RASL12: variants seen among roughly 807,000 people sequenced by gnomAD.
RASL12 encodes RAS like family 12, also known as ras-like protein family member 12.
Under a neutral mutation model 22.9 loss-of-function variants are expected in RASL12, and 16 were observed. That is an observed-to-expected ratio of 0.70 (90% CI 0.47 to 1.06). The LOEUF (loss-of-function observed/expected upper bound fraction) is 1.06. Among genes scored for constraint, RASL12 ranks in the 50% least tolerant of loss-of-function variants. The probability of loss-of-function intolerance (pLI) is 0.00; values close to 1 mark genes in which losing one functional copy is unlikely to be tolerated. For synonymous variants in RASL12, 159 were observed against 152.2 expected, an observed-to-expected ratio of 1.04 and a Z score of -0.33; for missense variants, 306 against 353.1, an observed-to-expected ratio of 0.87 and a Z score of 1.07.
intron 1 of RASL12, among the ~76,000 whole-genome samples, chr15:65,074,586 G>C (rs888301275): frequency 6.6e-6 from 1 of 151,970 alleles, no homozygotes; most frequent in Admixed American, 6.5e-5. Context: ...TAATAGAGAC[G>C]GGGTTTCCCC....
downstream of RASL12, chr15:65,050,168 A>G: frequency 7.5e-7 from 1 of 1,325,046 alleles, no homozygotes; most frequent in Non-Finnish European, 1.1e-6. Flanking sequence ...AGTTTGGCTG[A>G]AGGTCCTGAC....
intron 2 of RASL12, among the ~76,000 whole-genome samples, chr15:65,061,842 G>A (rs2086809142): frequency 6.6e-6 from 1 of 151,912 alleles, no homozygotes; most frequent in African/African-American, 2.4e-5. Flanking sequence ...AAGGTCAGGA[G>A]TTCTAGACCA....
chr15:65,070,428 G>A (rs954721375), upstream of RASL12, among the ~76,000 whole-genome samples: 18 of 152,196 alleles, frequency 1.2e-4, no homozygotes, highest in African/African-American at 3.9e-4. Context: ...AGTCATAACC[G>A]TTTAGTGACC....
intron 2 of RASL12, 28 bp from the exon 3 acceptor site, chr15:65,059,446 GAC>G: frequency 6.3e-7 from 1 of 1,579,158 alleles, no homozygotes; most frequent in Non-Finnish European, 8.7e-7. Flanking sequence ...AGCCAGGTCA[GAC>G]ACAGTGCCTT....
upstream of RASL12, among the ~76,000 whole-genome samples, chr15:65,072,802 T>A (rs529889412): frequency 3.9e-5 from 6 of 152,158 alleles, no homozygotes; most frequent in African/African-American, 1.4e-4. Flanking sequence ...GAGCCTGAGG[T>A]GCCTTTCAGC....
chr15:65,058,854 A>T (rs2086768200), intron 3 of RASL12, among the ~76,000 whole-genome samples: 2 of 152,276 alleles, frequency 1.3e-5, no homozygotes, highest in Admixed American at 1.3e-4. Flanking sequence ...CCTTGGGCCC[A>T]GAGCCAAAGA....
chr15:65,060,996 C>T (rs992432281), intron 2 of RASL12, among the ~76,000 whole-genome samples: 2 of 152,190 alleles, frequency 1.3e-5, no homozygotes, highest in African/African-American at 4.8e-5. Context: ...AAGAGCTGCC[C>T]CTAGATGCTT....
At chr15:65,075,798 CTG>C (rs1335668909) in intron 1 of RASL12, among the ~76,000 whole-genome samples, 1 of 152,032 alleles carries the variant, frequency 6.6e-6, no homozygotes, top group Admixed American at 6.5e-5. Context: ...AATCAACACT[CTG>C]TATCTAGCTG....
In RASL12 at chr15:65,054,382, C is replaced by G; in HGVS notation, c.*517G>C. 1 of 987,196 alleles carries G rather than the reference C, an allele frequency of 1.0e-6. No individual in the cohort carries two copies. The allele number at this position is 987,196 out of a possible 1,614,324, so 61.2% of individuals were successfully genotyped here. On this transcript the variant is annotated 3_prime_UTR_variant, in exon 5 of 5. Coordinates refer to ENST00000220062, the MANE Select transcript of RASL12 (RefSeq NM_016563.4). ...CTGTGGGGTTTGTAGCCTGGGCCTT[C>G]TGTGAAGTCAGCAGATGACAGGAGG...
At chr15:65,076,634 A>T (rs2086972303) in exon 1 of RASL12, 1 of 704,642 alleles carries the variant, frequency 1.4e-6, no homozygotes, top group African/African-American at 1.8e-5. Context: ...ACAGGTCTCC[A>T]GATGCCCTCC....
rs1487532465 is a variant in RASL12, at chr15:65,055,493, A to C, written c.426-219T>G. Among the ~76,000 whole-genome samples, 3 of 152,364 alleles carry C rather than the reference A, an allele frequency of 2.0e-5. No homozygotes were observed. In the South Asian group the frequency reaches 6.2e-4, roughly 32 times the overall value. ...ACAATTTGTTTCAAGTGCTTAGCAC[A>C]GTACCTGGCACAGAGTCAGTGCTCA... On this transcript the variant is annotated intron_variant, in intron 4 of 4. Coordinates refer to ENST00000220062, the MANE Select transcript of RASL12 (RefSeq NM_016563.4).
chr15:65,068,098 G>A (rs2086903434), upstream of RASL12: 3 of 1,047,360 alleles, frequency 2.9e-6, no homozygotes, highest in Admixed American at 5.6e-5. The surrounding 1 kb of genome is among the most constrained non-coding windows in gnomAD (Gnocchi z 4.2). Context: ...GGCGCGCTCA[G>A]CCGGCTCCTG....
chr15:65,049,004 C>A (rs1301098201), downstream of RASL12, among the ~76,000 whole-genome samples: 2 of 114,296 alleles, frequency 1.7e-5, no homozygotes, highest in Non-Finnish European at 3.5e-5. Flanking sequence ...AGTGAGACTC[C>A]GTCTCAAAAA....
At chr15:65,045,903 C>T in the RASL12 span, among the ~76,000 whole-genome samples, 4 of 152,116 alleles carry the variant, frequency 2.6e-5, no homozygotes, top group Non-Finnish European at 5.9e-5. Context: ...CAGTGGCTCA[C>T]GCCTGTAATT....
downstream of RASL12, chr15:65,051,382 A>G: frequency 2.6e-6 from 2 of 780,756 alleles, no homozygotes; most frequent in Non-Finnish European, 2.2e-6. Context: ...CAAGGGGCCC[A>G]TCTTTGATTA....
intron 4 of RASL12, among the ~76,000 whole-genome samples, chr15:65,057,152 G>A (rs926023016): frequency 1.3e-5 from 2 of 152,100 alleles, no homozygotes; most frequent in African/African-American, 2.4e-5. Flanking sequence ...CCCCTTTCAC[G>A]GTCCCACACC....
In RASL12 at chr15:65,076,317, T is replaced by C. The variant is rs187248124; in HGVS notation, c.70+212A>G. ...TCACCGTGAAAGTCTGCAGCTTCAC[T>C]CCTGAGGCCAGCGAGACCACAAGCC... On this transcript the variant is annotated intron_variant, in intron 1 of 4. Coordinates refer to the RASL12 transcript ENST00000434605. 9.7e-3 allele frequency among the ~76,000 whole-genome samples: 1,473 copies of C among 152,272 alleles called. 8 individuals carry two copies. Among genetic ancestry groups the C allele is most frequent in the Non-Finnish European group, 0.015 (999 of 68,004 alleles).
In RASL12 at chr15:65,056,553, A is replaced by C. The variant is rs1275139423; in HGVS notation, c.426-1279T>G. Among the ~76,000 whole-genome samples, 5 of 152,156 alleles carry C rather than the reference A, an allele frequency of 3.3e-5. No homozygotes were observed. The East Asian group carries it at 9.6e-4, about 29-fold the overall frequency. On this transcript the variant is annotated intron_variant, in intron 4 of 4. Coordinates refer to ENST00000220062, the MANE Select transcript of RASL12 (RefSeq NM_016563.4). ...ACTTTGTCATTGTGGGGGCTTGAATAATGAATTTTCACAAACACAAACCCC... is the reference window on the plus strand; with the variant it reads ...ACTTTGTCATTGTGGGGGCTTGAATCATGAATTTTCACAAACACAAACCCC...
chr15:65,057,174 C>A (rs1382275456), intron 4 of RASL12, among the ~76,000 whole-genome samples: 2 of 152,186 alleles, frequency 1.3e-5, no homozygotes, highest in Non-Finnish European at 2.9e-5. Flanking sequence ...CTCTTTTTCC[C>A]ACGGCCCATC....
Sources: gnomAD v4.1 joint callset for allele counts (sites outside exome capture counted in the v4.1 genomes callset) on GRCh38, gnomAD v4.1.1 for gene constraint, Gnocchi (gnomAD v3.1) non-coding constraint, MANE v1.5 for transcripts, NCBI Gene and HGNC (gene_info 2026-07-23, HGNC 2026-07-21) for gene names.